Variants in DPP8 observed in about 807,000 individuals in gnomAD.
DPP8 encodes dipeptidyl peptidase 8.
In DPP8, 31 loss-of-function variants were observed where a neutral mutation model predicts 107.5. The observed-to-expected ratio is 0.29, with a 90% CI of 0.22 to 0.39. The LOEUF is 0.39. DPP8 is among the 10% of genes least tolerant of loss of function. DPP8 has a pLI of 1.00. For missense variants in DPP8, 842 were observed against 1,076.1 expected, an observed-to-expected ratio of 0.78 and a Z score of 3.04; for synonymous variants, 381 against 356.6, an observed-to-expected ratio of 1.07 and a Z score of -0.77.
intron 15 of DPP8, 65 bp downstream of exon 15, chr15:65,463,696 A>G (rs569084315): frequency 7.0e-7 from 1 of 1,427,386 alleles, no homozygotes; most frequent in East Asian, 2.4e-5. Flanking sequence ...AGACATTTAA[A>G]AAACAAAAGA....
chr15:65,513,444 C>T (rs1009736996), intron 1 of DPP8, among the ~76,000 whole-genome samples: 16 of 152,124 alleles, frequency 1.1e-4, no homozygotes, highest in Admixed American at 7.9e-4. Flanking sequence ...GATCTCCTGA[C>T]CTTGTGATCC....
At chr15:65,497,141 T>C (rs2068687792) in intron 5 of DPP8, among the ~76,000 whole-genome samples, 1 of 152,178 alleles carries the variant, frequency 6.6e-6, no homozygotes, top group Admixed American at 6.6e-5. Flanking sequence ...CCACCTGCCT[T>C]GGCCTCCCAA....
Position 65,466,662 on chromosome 15 carries a change from G to C in DPP8, c.1825+16C>G. The C allele has an allele frequency of 3.1e-6, 5 of 1,611,656 alleles. No homozygotes were observed. The South Asian group carries it at 4.4e-5, about 14-fold the overall frequency. Reference sequence around the variant, plus strand: ...TAATCCTACTTAACGTCAGGATCAGGGGGAAAAAAGAATACCTGCTGAATC... The same window carrying C: ...TAATCCTACTTAACGTCAGGATCAGCGGGAAAAAAGAATACCTGCTGAATC... On this transcript the variant is annotated intron_variant, in intron 14 of 19. Coordinates refer to ENST00000300141, the MANE Select transcript of DPP8 (RefSeq NM_130434.5).
At chr15:65,470,827 G>A (rs1205582029) in intron 12 of DPP8, among the ~76,000 whole-genome samples, 1 of 151,512 alleles carries the variant, frequency 6.6e-6, no homozygotes, top group African/African-American at 2.4e-5. Context: ...GCTGAAACAG[G>A]AGAACTGCTT....
rs2069135293 is a variant in DPP8 at position 65,500,756 on chromosome 15, A to G, written c.396T>C (p.Tyr132=). ...CTCTTAATAGTTCTTCTTCTCGAGA[A>G]TACATTCCATAGTCCAGTGTTGCCT... The part of the protein sequence containing the change: ...LFQATLDYGM[Y]SREEELLRER... The change falls in exon 4 of 20, where the codon TAT becomes TAC. Residue 132 remains tyrosine (Y), a synonymous_variant. Coordinates refer to ENST00000300141, the MANE Select transcript of DPP8 (RefSeq NM_130434.5). 1.2e-6 allele frequency: 2 copies of G among 1,614,076 alleles called. No homozygotes were observed. Among genetic ancestry groups the G allele is most frequent in the South Asian group, 1.1e-5 (1 of 91,088 alleles).
intron 3 of DPP8, among the ~76,000 whole-genome samples, chr15:65,502,304 GA>G (rs11320643): frequency 0.92 from 135,690 of 147,272 alleles, 62,451 homozygotes; most frequent in East Asian, 0.95. Context: ...TTGCTAAATG[GA>G]AAAAAAAAAA....
chr15:65,471,336 C>A (rs1337893280), intron 12 of DPP8, among the ~76,000 whole-genome samples: 1 of 152,042 alleles, frequency 6.6e-6, no homozygotes, highest in East Asian at 1.9e-4. Flanking sequence ...AGTCTTGATA[C>A]CCTGAAGTTT....
At chr15:65,497,635 C>A (rs1027571976) in intron 5 of DPP8, among the ~76,000 whole-genome samples, 1 of 152,118 alleles carries the variant, frequency 6.6e-6, no homozygotes, top group Non-Finnish European at 1.5e-5. Context: ...GTCAGAGGTT[C>A]TTTTGTTTCA....
chr15:65,480,730 C>T (rs1258832950), intron 9 of DPP8, among the ~76,000 whole-genome samples: 5 of 152,026 alleles, frequency 3.3e-5, no homozygotes, highest in East Asian at 1.9e-4. Flanking sequence ...GCCAGGATTT[C>T]GAGCTTACAG....
At chr15:65,471,127 C>G (rs2065857616) in intron 12 of DPP8, among the ~76,000 whole-genome samples, 1 of 152,018 alleles carries the variant, frequency 6.6e-6, no homozygotes, top group Non-Finnish European at 1.5e-5. Context: ...TCACATAGCA[C>G]GAAATTTACA....
intron 7 of DPP8, 106 bp from the exon 8 acceptor site, chr15:65,485,266 G>C (rs575910885): frequency 1.2e-6 from 1 of 825,730 alleles, no homozygotes; most frequent in Non-Finnish European, 2.0e-6. Flanking sequence ...CGTATAGGTC[G>C]GGTGCAGTGG....
chr15:65,468,293 G>C (rs2065535824), intron 12 of DPP8, among the ~76,000 whole-genome samples: 1 of 152,096 alleles, frequency 6.6e-6, no homozygotes, highest in African/African-American at 2.4e-5. Flanking sequence ...TTAGGAGTTT[G>C]AGACCAGTCT....
At chr15:65,461,606 G>A (rs201578829) in intron 15 of DPP8, among the ~76,000 whole-genome samples, 1 of 142,674 alleles carries the variant, frequency 7.0e-6, no homozygotes, top group Non-Finnish European at 1.5e-5. Flanking sequence ...TTTCTATTAA[G>A]CCTTTTTTTT....
intron 14 of DPP8, 44 bp downstream of exon 14, chr15:65,466,634 T>C (rs770554802): frequency 1.3e-6 from 2 of 1,546,884 alleles, no homozygotes; most frequent in Non-Finnish European, 1.8e-6. Flanking sequence ...TGTACTAATA[T>C]ATTAATCCTA....
At chr15:65,511,986 TTTA>T (rs2070844492) in intron 2 of DPP8, 2 of 482,102 alleles carry the variant, frequency 4.1e-6, no homozygotes, top group Non-Finnish European at 8.0e-6. Context: ...AACTAATGGT[TTTA>T]TTGTTTGTTT....
At chr15:65,513,137 A>C (rs575294974) in intron 1 of DPP8, among the ~76,000 whole-genome samples, 3 of 152,328 alleles carry the variant, frequency 2.0e-5, no homozygotes, top group Admixed American at 2.0e-4. Flanking sequence ...AAGCCAAACA[A>C]AACACTTAAC....
At chr15:65,490,323 T>C (rs1361276358) in intron 5 of DPP8, 24 bp from the exon 6 acceptor site, 1 of 1,404,706 alleles carries the variant, frequency 7.1e-7, no homozygotes. Flanking sequence ...AAAGGCAAAA[T>C]TATCACAGAA....
At chr15:65,465,048 T>C (rs757399633) in intron 14 of DPP8, among the ~76,000 whole-genome samples, 8 of 152,214 alleles carry the variant, frequency 5.3e-5, no homozygotes, top group Non-Finnish European at 1.2e-4. Flanking sequence ...CCTAAGTGTT[T>C]GTGTACAGCA....
At chr15:65,507,424 G>C in intron 2 of DPP8, 69 bp from the exon 3 acceptor site, 1 of 942,532 alleles carries the variant, frequency 1.1e-6, no homozygotes, top group Non-Finnish European at 1.7e-6. Context: ...ACAGTTGCAA[G>C]TACATAATGC....
Sources: allele counts gnomAD v4.1 joint callset (sites outside exome capture counted in the v4.1 genomes callset), GRCh38; gene constraint gnomAD v4.1.1; transcripts MANE v1.5; gene names NCBI Gene and HGNC (gene_info 2026-07-23, HGNC 2026-07-21).